TMEM43: variants seen among roughly 807,000 people sequenced by gnomAD.
The protein encoded by TMEM43 is transmembrane protein 43.
A neutral mutation model predicts 49.6 loss-of-function variants in TMEM43; 45 were observed. The ratio of observed to expected loss-of-function variants is 0.91; its 90% CI spans 0.71 to 1.16. TMEM43 has a LOEUF of 1.16. Among genes scored for constraint, TMEM43 ranks in the 50% most tolerant of loss-of-function variants. The pLI is 0.00. For synonymous variants in TMEM43, 199 were observed against 207.8 expected (o/e 0.96, Z 0.36); for missense variants, 532 against 516.6 (o/e 1.03, Z -0.29).
chr3:14,128,551 C>A (rs878492), intron 1 of TMEM43, among the ~76,000 whole-genome samples: 16,160 of 152,170 alleles, frequency 0.11, 2,118 homozygotes, highest in African/African-American at 0.3. Flanking sequence ...ATCACAGGAC[C>A]CTCTGTGTGA....
chr3:14,133,335 G>A (rs142083132), intron 6 of TMEM43, among the ~76,000 whole-genome samples: 164 of 152,320 alleles, frequency 1.1e-3, no homozygotes, highest in African/African-American at 3.7e-3. Flanking sequence ...GTGGTGAGGC[G>A]GGCATAACAC....
chr3:14,130,485 C>T lies in TMEM43; in HGVS notation c.163-337C>T, dbSNP rs916948551. Among the ~76,000 whole-genome samples, 11 of 151,910 alleles carry T rather than the reference C, an allele frequency of 7.2e-5. 1 individual carries two copies. The highest frequency in any genetic ancestry group is 1.5e-4 in the Non-Finnish European group (10 of 67,998). The stretch of plus-strand genomic sequence containing the variant: ...ACCCCATTTCTACAAAAAACTTAAA[C>T]ATAAAAATAAAATTAAAAAAAAGAA... On this transcript the variant is annotated intron_variant, in intron 2 of 11. Transcript: ENST00000306077.
intron 11 of TMEM43, among the ~76,000 whole-genome samples, chr3:14,141,046 T>C (rs1446985120): frequency 6.6e-6 from 1 of 152,238 alleles, no homozygotes; most frequent in East Asian, 1.9e-4. Context: ...TTTATCCTAT[T>C]GGACCAATAG....
At chr3:14,134,053 C>G (rs1283519276) in intron 7 of TMEM43, among the ~76,000 whole-genome samples, 2 of 152,210 alleles carry the variant, frequency 1.3e-5, no homozygotes, top group Non-Finnish European at 2.9e-5. Flanking sequence ...GAGAATGACT[C>G]AGGCATGCAT....
At position 14,135,174 on chromosome 3, in the gene TMEM43, T is replaced by C. The variant is rs1220900286; in HGVS notation, c.722T>C (p.Val241Ala). Residue 241 changes from valine (V) to alanine (A), a missense_variant, in exon 9 of 12, where the codon GTC (valine) becomes GCC (alanine). Val to Ala is a moderately conservative substitution (Grantham distance 64). Transcript: ENST00000306077. ...CACCCCCAGGTGGGAGACTTGCGTGTCTCCTTTTCCTATGCTGGACTGAGC... is the reference window on the plus strand; with the variant it reads ...CACCCCCAGGTGGGAGACTTGCGTGCCTCCTTTTCCTATGCTGGACTGAGC... ...PKYPEVGDLR[V>A]SFSYAGLSGD... The C allele has an allele frequency of 6.2e-7, 1 of 1,612,612 alleles. No individual in the cohort carries two copies. Among genetic ancestry groups the C allele is most frequent in the South Asian group, 1.1e-5 (1 of 91,080 alleles).
chr3:14,139,630 C>A (rs1695222586), intron 11 of TMEM43, among the ~76,000 whole-genome samples: 1 of 152,234 alleles, frequency 6.6e-6, no homozygotes, highest in South Asian at 2.1e-4. Flanking sequence ...GCCTGCCAGA[C>A]CTGCATTTGA....
intron 11 of TMEM43, 98 bp from the exon 12 acceptor site, chr3:14,141,495 A>G: frequency 1.4e-5 from 17 of 1,172,588 alleles, no homozygotes; most frequent in Non-Finnish European, 2.2e-5. Flanking sequence ...TCATGCATGT[A>G]GCAACATGGG....
chr3:14,132,516 A>AC, intron 4 of TMEM43, 30 bp from the exon 5 acceptor site: 1 of 1,613,876 alleles, frequency 6.2e-7, no homozygotes, highest in East Asian at 2.2e-5. Flanking sequence ...GACGAGGCTA[A>AC]CCCCCGTGGC....
chr3:14,136,299 G>A (rs1695169253), intron 10 of TMEM43, among the ~76,000 whole-genome samples: 1 of 152,188 alleles, frequency 6.6e-6, no homozygotes, highest in Non-Finnish European at 1.5e-5. Context: ...TTTGGATTTT[G>A]GAGCACTTCA....
At position 14,125,220 on chromosome 3, in the gene TMEM43, G is replaced by T; in HGVS notation, c.12+15G>T. Reference sequence around the variant, plus strand: ...TGGCCGCGAATGTGAGTATCCCCGGGCCAGCCGGGCCACACCCAGGCTTCC... The same window carrying T: ...TGGCCGCGAATGTGAGTATCCCCGGTCCAGCCGGGCCACACCCAGGCTTCC... On this transcript the variant is annotated intron_variant, in intron 1 of 11. Transcript: ENST00000306077. 1.9e-6 allele frequency: 3 copies of T among 1,604,664 alleles called. No homozygotes were observed. Among genetic ancestry groups the T allele is most frequent in the Non-Finnish European group, 8.5e-7 (1 of 1,176,624 alleles).
rs1695249540 is a variant in TMEM43, at chr3:14,141,708, AC to A, written c.1120del (p.Leu374CysfsTer41). 3.1e-6 allele frequency: 5 copies of A among 1,613,338 alleles called. No individual in the cohort carries two copies. The highest frequency in any genetic ancestry group is 4.2e-6 in the Non-Finnish European group (5 of 1,179,830). ...TVAAGWLFYR[P>X]LWALLIAGLA... is the part of the protein sequence containing the mutation. ...TGGCGGCTGGCTGGCTCTTCTACCGACCCCTGTGGGCCCTCCTCATTGCCGG... is the reference window on the plus strand; with the variant it reads ...TGGCGGCTGGCTGGCTCTTCTACCGACCCTGTGGGCCCTCCTCATTGCCGG... On this transcript the variant is annotated frameshift_variant, in exon 12 of 12. Coordinates refer to ENST00000306077, the MANE Select transcript of TMEM43 (RefSeq NM_024334.3). LOFTEE classifies it high-confidence loss of function.
Position 14,139,177 on chromosome 3 carries a change from C to G in TMEM43, c.883-3C>G. The G allele has an allele frequency of 6.2e-7, 1 of 1,610,512 alleles. No individual in the cohort carries two copies. On this transcript the variant is annotated splice_region_variant and splice_polypyrimidine_tract_variant and intron_variant, in intron 10 of 11. Coordinates refer to ENST00000306077, the MANE Select transcript of TMEM43 (RefSeq NM_024334.3). ...CCTGACCTGCCCCCACCTTGTCCTG[C>G]AGGAGGTGTTTCATAGAGAACTAAG...
chr3:14,140,335 C>G (rs920109934), intron 11 of TMEM43, among the ~76,000 whole-genome samples: 3 of 152,156 alleles, frequency 2.0e-5, no homozygotes, highest in African/African-American at 7.2e-5. Flanking sequence ...GTGTCTGTCT[C>G]AGTGGGCCCT....
At chr3:14,139,484 G>A (rs548417345) in intron 11 of TMEM43, among the ~76,000 whole-genome samples, 187 bp downstream of exon 11, 133 of 152,332 alleles carry the variant, frequency 8.7e-4, no homozygotes, top group African/African-American at 3.1e-3. Flanking sequence ...AGGCTTGAGG[G>A]CAGGAGCTGC....
At chr3:14,135,488 TCA>T (rs1695156771) in intron 9 of TMEM43, among the ~76,000 whole-genome samples, 1 of 152,154 alleles carries the variant, frequency 6.6e-6, no homozygotes. Context: ...GGTGTTCCAG[TCA>T]CACACAGACC....
chr3:14,130,758 A>T, intron 2 of TMEM43, 64 bp from the exon 3 acceptor site: 1 of 1,585,372 alleles, frequency 6.3e-7, no homozygotes, highest in Non-Finnish European at 8.6e-7. Context: ...AATACTTTGC[A>T]ACAAGCACAG....
intron 1 of TMEM43, among the ~76,000 whole-genome samples, chr3:14,126,222 C>T (rs1574935295): frequency 6.6e-6 from 1 of 152,286 alleles, no homozygotes; most frequent in South Asian, 2.1e-4. Flanking sequence ...ATTTCGGGCC[C>T]ACAGGAGGGT....
At chr3:14,129,225 G>T in intron 1 of TMEM43, 187 bp from the exon 2 acceptor site, 1 of 527,394 alleles carries the variant, frequency 1.9e-6, no homozygotes, top group Non-Finnish European at 3.2e-6. Flanking sequence ...TTTAGATGTT[G>T]GTCAGATGGA....
At chr3:14,137,926 C>G (rs1327281735) in intron 10 of TMEM43, 1 of 152,220 alleles carries the variant, frequency 6.6e-6, no homozygotes, top group Middle Eastern at 3.2e-3. Flanking sequence ...GGGCACATGA[C>G]TTATTCTCTC....
Sources: gnomAD v4.1 joint callset for allele counts (sites outside exome capture counted in the v4.1 genomes callset) on GRCh38, gnomAD v4.1.1 for gene constraint, MANE v1.5 for transcripts, NCBI Gene and HGNC (gene_info 2026-07-23, HGNC 2026-07-21) for gene names.